The following PLCZ1 variants were observed in gnomAD, a reference collection of about 807,000 sequenced individuals.
PLCZ1 encodes the protein phospholipase C zeta 1.
Under a neutral mutation model 76.8 loss-of-function variants are expected in PLCZ1, and 64 were observed. That is an observed-to-expected ratio of 0.83 (90% CI 0.68 to 1.03). The LOEUF is 1.03. Ranked by LOEUF, PLCZ1 falls within the 50% of genes least tolerant of loss-of-function variation. PLCZ1 has a pLI of 0.00. For synonymous variants in PLCZ1, 248 were observed against 230.8 expected (o/e 1.07, Z -0.68); for missense variants, 751 against 713.7 (o/e 1.05, Z -0.60).
chr12:18,676,484 G>C, the PLCZ1 span, among the ~76,000 whole-genome samples: 2 of 152,036 alleles, frequency 1.3e-5, no homozygotes, highest in Non-Finnish European at 2.9e-5. Flanking sequence ...ATCCCATTGA[G>C]TACTCTCAAC....
intron 13 of PLCZ1, among the ~76,000 whole-genome samples, chr12:18,685,071 T>C (rs187516350): frequency 6.6e-6 from 1 of 152,122 alleles, no homozygotes; most frequent in Admixed American, 6.6e-5. Flanking sequence ...CAGTCTCAGG[T>C]AGAATCTTTA....
the PLCZ1 span, among the ~76,000 whole-genome samples, chr12:18,667,288 A>G: frequency 1.3e-5 from 2 of 152,250 alleles, no homozygotes; most frequent in East Asian, 3.9e-4. Context: ...GATATGTGTA[A>G]TATCTTAATT....
At chr12:18,665,159 A>G in the PLCZ1 span, among the ~76,000 whole-genome samples, 1 of 150,572 alleles carries the variant, frequency 6.6e-6, no homozygotes, top group Non-Finnish European at 1.5e-5. Flanking sequence ...AAGCATAATA[A>G]TAATAAAAAA....
At chr12:18,671,250 G>A in the PLCZ1 span, among the ~76,000 whole-genome samples, 1 of 151,606 alleles carries the variant, frequency 6.6e-6, no homozygotes, top group African/African-American at 2.4e-5. Flanking sequence ...TTATTATGAG[G>A]ATCAAACTAA....
At chr12:18,683,172 T>TA, downstream of PLCZ1, 4 of 1,345,630 alleles carry the variant, frequency 3.0e-6, no homozygotes, top group Admixed American at 6.8e-5. Context: ...AAAGAAAACA[T>TA]AAAGACATTC....
chr12:18,726,991 C>A (rs1272922021), intron 3 of PLCZ1, among the ~76,000 whole-genome samples: 1 of 152,010 alleles, frequency 6.6e-6, no homozygotes, highest in Non-Finnish European at 1.5e-5. Flanking sequence ...ATTGTCAGTG[C>A]CCTCTGGAAG....
At chr12:18,664,542 T>C in the PLCZ1 span, among the ~76,000 whole-genome samples, 3 of 152,144 alleles carry the variant, frequency 2.0e-5, no homozygotes, top group Admixed American at 2.0e-4. Flanking sequence ...TATGATTCTA[T>C]TTATATGAGA....
intron 6 of PLCZ1, among the ~76,000 whole-genome samples, chr12:18,708,804 A>G (rs1956946989): frequency 6.6e-6 from 1 of 151,878 alleles, no homozygotes; most frequent in Admixed American, 6.6e-5. Flanking sequence ...GGCCATTTTT[A>G]TGTCTTCTTT....
Position 18,684,223 on chromosome 12 carries a change from C to T in PLCZ1, c.1648G>A (p.Ala550Thr), listed in dbSNP as rs753912831. The change falls in exon 14 of 15, where the codon GCA becomes ACA. Residue 550 changes from alanine to threonine, a missense_variant. Ala to Thr is a moderately conservative substitution (Grantham distance 58). Coordinates refer to ENST00000266505, the MANE Select transcript of PLCZ1 (RefSeq NM_033123.4). ...CCTTCAACAACAAAACGTATCAATGCCAATTCTGGGACATGAATAATAAAT... is the reference window on the plus strand; with the variant it reads ...CCTTCAACAACAAAACGTATCAATGTCAATTCTGGGACATGAATAATAAAT... Reference protein sequence around the residue: ...FTFIIHVPELALIRFVVEGQG... With the variant: ...FTFIIHVPELTLIRFVVEGQG... 1 of 1,611,220 alleles carries T rather than the reference C, an allele frequency of 6.2e-7. No homozygotes were observed. The highest frequency in any genetic ancestry group is 1.3e-5 in the African/African-American group (1 of 74,744).
the PLCZ1 span, among the ~76,000 whole-genome samples, chr12:18,650,965 A>T: frequency 6.6e-6 from 1 of 151,676 alleles, no homozygotes; most frequent in East Asian, 2.0e-4. Flanking sequence ...TTCTCAACAC[A>T]GCAATGGGAA....
At chr12:18,727,730 C>A (rs1386394015) in intron 3 of PLCZ1, among the ~76,000 whole-genome samples, 1 of 151,980 alleles carries the variant, frequency 6.6e-6, no homozygotes, top group Non-Finnish European at 1.5e-5. Flanking sequence ...GAGAGAAATC[C>A]CATAGATTTT....
At chr12:18,667,192 G>C in the PLCZ1 span, among the ~76,000 whole-genome samples, 1 of 152,132 alleles carries the variant, frequency 6.6e-6, no homozygotes, top group Non-Finnish European at 1.5e-5. Flanking sequence ...AAACTTGTAA[G>C]CTTTGAATGA....
chr12:18,706,468 C>T (rs920450247), intron 6 of PLCZ1, among the ~76,000 whole-genome samples: 2 of 152,076 alleles, frequency 1.3e-5, no homozygotes, highest in African/African-American at 4.8e-5. Flanking sequence ...GAAATCAAAA[C>T]TCATTGTTTT....
the PLCZ1 span, among the ~76,000 whole-genome samples, chr12:18,650,710 A>G: frequency 0.084 from 552 of 6,556 alleles, 15 homozygotes; most frequent in African/African-American, 0.18. Context: ...GTGTGTATAT[A>G]TCTATATATA....
chr12:18,652,250 A>G, the PLCZ1 span, among the ~76,000 whole-genome samples: 4 of 152,146 alleles, frequency 2.6e-5, no homozygotes, highest in South Asian at 6.2e-4. Context: ...CCAGTCCCAT[A>G]TACCAGTCAC....
At chr12:18,651,562 G>A in the PLCZ1 span, among the ~76,000 whole-genome samples, 1 of 152,120 alleles carries the variant, frequency 6.6e-6, no homozygotes, top group Non-Finnish European at 1.5e-5. Flanking sequence ...TTGCCCTGGT[G>A]TCCTCACCAT....
At position 18,737,593 on chromosome 12, in the gene PLCZ1, T is replaced by C. The variant is rs146788771; in HGVS notation, c.-138-84A>G. On this transcript the variant is annotated intron_variant, in intron 1 of 14. Transcript: ENST00000266505. ...CTCACACTTAACCATAGAAACAGTA[T>C]GCAAGATGTGGTACCTGCACTACCC... 1,485 of 672,134 alleles carry C rather than the reference T, an allele frequency of 2.2e-3. 14 individuals carry two copies. Among genetic ancestry groups the C allele is most frequent in the African/African-American group, 0.018 (1,022 of 56,178 alleles). 41.6% of individuals were successfully genotyped at this position (672,134 alleles called of 1,614,324 possible).
At chr12:18,662,088 A>G in the PLCZ1 span, among the ~76,000 whole-genome samples, 1 of 152,232 alleles carries the variant, frequency 6.6e-6, no homozygotes, top group Non-Finnish European at 1.5e-5. Flanking sequence ...GTACACATGG[A>G]CACAAAAATG....
At chr12:18,702,415 G>C (rs1028023064) in intron 7 of PLCZ1, among the ~76,000 whole-genome samples, 2 of 151,998 alleles carry the variant, frequency 1.3e-5, no homozygotes, top group African/African-American at 4.8e-5. Flanking sequence ...CTGCCCTTAG[G>C]ATAATTTCTT....
Sources: gnomAD v4.1 joint callset for allele counts (sites outside exome capture counted in the v4.1 genomes callset) on GRCh38, gnomAD v4.1.1 for gene constraint, MANE v1.5 for transcripts, NCBI Gene and HGNC (gene_info 2026-07-23, HGNC 2026-07-21) for gene names.